CAPZB: variants seen among roughly 807,000 people sequenced by gnomAD.
CAPZB encodes the protein F-actin-capping protein subunit beta.
Under a neutral mutation model 38.1 loss-of-function variants are expected in CAPZB, and 2 were observed. That is an observed-to-expected ratio of 0.05 (90% confidence interval 0.02 to 0.17). The LOEUF is 0.17. Among genes scored for constraint, CAPZB ranks in the 10% least tolerant of loss-of-function variants. The probability of loss-of-function intolerance (pLI) is 1.00; values close to 1 mark genes in which losing one functional copy is unlikely to be tolerated. For synonymous variants in CAPZB, 107 were observed against 127.4 expected (o/e 0.84, Z 1.08); for missense variants, 161 against 334.2 (o/e 0.48, Z 4.04).
chr1:19,436,942 G>A (rs565481554), intron 1 of CAPZB, among the ~76,000 whole-genome samples: 19 of 152,348 alleles, frequency 1.2e-4, no homozygotes, highest in Admixed American at 3.3e-4. Flanking sequence ...CAGACACCAG[G>A]AAGACCTTGG....
chr1:19,415,081 T>C (rs138315795), intron 2 of CAPZB, among the ~76,000 whole-genome samples: 11 of 152,370 alleles, frequency 7.2e-5, no homozygotes, highest in African/African-American at 2.6e-4. Flanking sequence ...TACCACTCTG[T>C]AATCAGACCA....
chr1:19,461,303 A>C (rs2094551210), intron 1 of CAPZB, among the ~76,000 whole-genome samples: 2 of 149,338 alleles, frequency 1.3e-5, no homozygotes, highest in Admixed American at 1.3e-4. Flanking sequence ...GTTGCTTTGC[A>C]AACTGGCAAC....
In CAPZB at chr1:19,339,207, G is replaced by A. The variant is rs1316199797; in HGVS notation, c.*323C>T. The A allele has an allele frequency of 2.8e-6, 1 of 352,712 alleles. No homozygotes were observed. The highest frequency in any genetic ancestry group is 5.2e-6 in the Non-Finnish European group (1 of 192,212). The allele number at this position is 352,712 out of a possible 1,614,324, so 21.8% of individuals were successfully genotyped here. A position where few individuals can be genotyped will look rare whatever the true frequency, so the allele number is the denominator to read the frequency against. ...AATGTACCAAAAAGGTGGGAGGGAA[G>A]GGAGGCTGGCAGACAGTGGATTTTA... On this transcript the variant is annotated 3_prime_UTR_variant, in exon 9 of 9. Coordinates refer to ENST00000264202, the MANE Select transcript of CAPZB (RefSeq NM_004930.5).
chr1:19,413,081 A>G (rs551123375), intron 2 of CAPZB, among the ~76,000 whole-genome samples: 1 of 152,378 alleles, frequency 6.6e-6, no homozygotes, highest in East Asian at 1.9e-4. Flanking sequence ...TCAGTTCTGC[A>G]GCTCTTGCTA....
chr1:19,445,144 G>T (rs1379563204), intron 1 of CAPZB, among the ~76,000 whole-genome samples: 1 of 152,156 alleles, frequency 6.6e-6, no homozygotes, highest in African/African-American at 2.4e-5. Context: ...TGTCCAACAT[G>T]AGTAAATTAA....
chr1:19,341,335 A>G (rs561360747), intron 8 of CAPZB, among the ~76,000 whole-genome samples: 1 of 152,214 alleles, frequency 6.6e-6, no homozygotes, highest in East Asian at 1.9e-4. Context: ...CCAGCGGGAG[A>G]TGCGGCGGGC....
intron 1 of CAPZB, among the ~76,000 whole-genome samples, chr1:19,465,652 G>C (rs2094566464): frequency 6.6e-6 from 1 of 152,166 alleles, no homozygotes; most frequent in Non-Finnish European, 1.5e-5. Context: ...CAGGGATATA[G>C]GCACCAAAAG....
At chr1:19,349,171 TG>T in intron 6 of CAPZB, among the ~76,000 whole-genome samples, 1 of 152,162 alleles carries the variant, frequency 6.6e-6, no homozygotes, top group Non-Finnish European at 1.5e-5. Context: ...CAACAGGAGC[TG>T]GGGAGCACCC....
intron 4 of CAPZB, among the ~76,000 whole-genome samples, chr1:19,364,175 T>C (rs1347043295): frequency 1.3e-5 from 2 of 152,208 alleles, no homozygotes; most frequent in Non-Finnish European, 2.9e-5. Flanking sequence ...GGAAAGGCAA[T>C]ATTTGGCACC....
At chr1:19,387,754 G>A (rs1271119004) in intron 2 of CAPZB, among the ~76,000 whole-genome samples, 1 of 152,148 alleles carries the variant, frequency 6.6e-6, no homozygotes, top group East Asian at 1.9e-4. Flanking sequence ...CTTGGTTTCC[G>A]TACCTGTAAA....
In CAPZB at chr1:19,434,310, G is replaced by C. The variant is rs1468135672; in HGVS notation, c.4-14560C>G. On this transcript the variant is annotated intron_variant, in intron 1 of 8. Coordinates refer to ENST00000264202, the MANE Select transcript of CAPZB (RefSeq NM_004930.5). ...GAGCCTCGATTCCTTCATCTGTTTA[G>C]CGGCAATAATAATCAAACCTATCTT... Among the ~76,000 whole-genome samples, 12 of 152,064 alleles carry C rather than the reference G, an allele frequency of 7.9e-5. 1 individual carries two copies. The South Asian group carries it at 2.1e-3, about 26-fold the overall frequency.
intron 1 of CAPZB, among the ~76,000 whole-genome samples, chr1:19,474,578 G>A (rs1009397391): frequency 6.6e-6 from 1 of 152,052 alleles, no homozygotes; most frequent in African/African-American, 2.4e-5. Flanking sequence ...TCAAACACCT[G>A]CCCTTAAAAT....
At chr1:19,395,716 C>CCAT (rs1442032082) in intron 2 of CAPZB, among the ~76,000 whole-genome samples, 2 of 152,246 alleles carry the variant, frequency 1.3e-5, no homozygotes, top group African/African-American at 4.8e-5. Context: ...GGCACACAAC[C>CCAT]CATCACCTGT....
intron 1 of CAPZB, among the ~76,000 whole-genome samples, chr1:19,454,239 T>G (rs1268003347): frequency 1.1e-4 from 16 of 152,218 alleles, no homozygotes; most frequent in Admixed American, 1.0e-3. Flanking sequence ...CCTGCAGTGC[T>G]GATAATTCAC....
At chr1:19,347,820 C>T (rs2093970217) in intron 6 of CAPZB, among the ~76,000 whole-genome samples, 1 of 152,158 alleles carries the variant, frequency 6.6e-6, no homozygotes, top group Non-Finnish European at 1.5e-5. Context: ...CTGTTTTAAA[C>T]CCAAGGAAAC....
intron 4 of CAPZB, among the ~76,000 whole-genome samples, chr1:19,363,263 T>TA (rs2094064075): frequency 7.5e-6 from 1 of 133,322 alleles, no homozygotes; most frequent in South Asian, 2.2e-4. Context: ...AAAAAAAATT[T>TA]TTTTTTTTTT....
chr1:19,357,756 G>T lies in CAPZB; in HGVS notation c.330-193C>A, dbSNP rs2094029667. ...TGCAGCATTCCTGGGGGTGTAGTAG[G>T]TTTAGGCGTCATAAAGATGAATCTG... On this transcript the variant is annotated intron_variant, in intron 4 of 8. Coordinates refer to ENST00000264202, the MANE Select transcript of CAPZB (RefSeq NM_004930.5). This position sits in a 1 kb window ranked among gnomAD's most constrained non-coding sequence, Gnocchi z 4.3. 6.6e-6 allele frequency among the ~76,000 whole-genome samples: 1 copy of T among 151,982 alleles called. No homozygotes were observed. Among genetic ancestry groups the T allele is most frequent in the African/African-American group, 2.4e-5 (1 of 41,334 alleles).
At chr1:19,431,224 C>A (rs1029578193) in intron 1 of CAPZB, among the ~76,000 whole-genome samples, 1 of 152,130 alleles carries the variant, frequency 6.6e-6, no homozygotes, top group Non-Finnish European at 1.5e-5. Context: ...ACTTTTTGAG[C>A]GAAGACATGA....
intron 6 of CAPZB, among the ~76,000 whole-genome samples, chr1:19,346,058 C>T (rs80141924): frequency 3.9e-5 from 6 of 152,212 alleles, no homozygotes; most frequent in South Asian, 2.1e-4. Flanking sequence ...CACTTTCCCC[C>T]GAATTTTTTC....
Sources: gnomAD v4.1 joint callset for allele counts (sites outside exome capture counted in the v4.1 genomes callset) on GRCh38, gnomAD v4.1.1 for gene constraint, Gnocchi (gnomAD v3.1) non-coding constraint, MANE v1.5 for transcripts, NCBI Gene and HGNC (gene_info 2026-07-23, HGNC 2026-07-21) for gene names.